OLFM1: variants seen among roughly 807,000 people sequenced by gnomAD.
OLFM1 encodes olfactomedin 1.
Under a neutral mutation model 49.7 loss-of-function variants are expected in OLFM1, and 9 were observed. The observed-to-expected ratio is 0.18, with a 90% CI of 0.11 to 0.32. The LOEUF is 0.32. OLFM1 is among the 10% of genes least tolerant of loss of function. OLFM1 has a pLI of 1.00. For missense variants in OLFM1, 369 were observed against 661.8 expected, an observed-to-expected ratio of 0.56 and a Z score of 4.85; for synonymous variants, 240 against 271.8, an observed-to-expected ratio of 0.88 and a Z score of 1.15.
chr9:135,078,514 C>T (rs7874992), intron 1 of OLFM1, among the ~76,000 whole-genome samples: 1,825 of 152,310 alleles, frequency 0.012, 39 homozygotes, highest in African/African-American at 0.042. Context: ...GGATGGCCTA[C>T]GACACGCAAG....
chr9:135,099,141 A>C (rs1342969581), intron 4 of OLFM1, among the ~76,000 whole-genome samples: 2 of 152,372 alleles, frequency 1.3e-5, no homozygotes, highest in East Asian at 3.9e-4. Context: ...GTTAATTACT[A>C]GGAGAAATAT....
In OLFM1 at chr9:135,098,030, A is replaced by C; in HGVS notation, c.457-256A>C. The C allele has an allele frequency of 7.0e-7, 1 of 1,419,666 alleles. No homozygotes were observed. Among genetic ancestry groups the C allele is most frequent in the Non-Finnish European group, 9.1e-7 (1 of 1,094,760 alleles). The allele number at this position is 1,419,666 out of a possible 1,614,324, so 87.9% of individuals were successfully genotyped here. A position where few individuals can be genotyped will look rare whatever the true frequency, so the allele number is the denominator to read the frequency against. On this transcript the variant is annotated intron_variant, in intron 3 of 5. Transcript: ENST00000371793. The surrounding 1 kb of genome is among the most constrained non-coding windows in gnomAD (Gnocchi z 5.6). ...TTTTTGAAAAAGAAAGAAAAAAAAAACTTCGTGTATGTGACTCAAAGCATG... is the reference window on the plus strand; with the variant it reads ...TTTTTGAAAAAGAAAGAAAAAAAAACCTTCGTGTATGTGACTCAAAGCATG...
chr9:135,091,421 A>G (rs1159796583), intron 2 of OLFM1, among the ~76,000 whole-genome samples: 1 of 152,024 alleles, frequency 6.6e-6, no homozygotes, highest in Non-Finnish European at 1.5e-5. Flanking sequence ...ACACACACGC[A>G]CACTCACAAA....
chr9:135,081,743 AG>A (rs1830535429), intron 1 of OLFM1, among the ~76,000 whole-genome samples: 1 of 152,192 alleles, frequency 6.6e-6, no homozygotes, highest in Non-Finnish European at 1.5e-5. Flanking sequence ...TGAGAGGCCG[AG>A]GCAGGTGGAT....
At chr9:135,102,075 T>C (rs1024692458) in intron 4 of OLFM1, among the ~76,000 whole-genome samples, 2 of 152,202 alleles carry the variant, frequency 1.3e-5, no homozygotes, top group East Asian at 1.9e-4. Context: ...TGGCTCCAGC[T>C]TCAGAGTCCC....
At chr9:135,089,346 C>G (rs909134955) in intron 1 of OLFM1, among the ~76,000 whole-genome samples, 1 of 152,240 alleles carries the variant, frequency 6.6e-6, no homozygotes, top group Non-Finnish European at 1.5e-5. Context: ...CGGAGGGGAG[C>G]GTGCTCAGAG....
upstream of OLFM1, chr9:135,087,429 C>T: frequency 2.6e-6 from 4 of 1,544,204 alleles, no homozygotes; most frequent in South Asian, 2.4e-5. Flanking sequence ...CTGGAGTCCC[C>T]GCGCCGCCGC....
intron 2 of OLFM1, among the ~76,000 whole-genome samples, chr9:135,091,614 CAGTCACACACACTCACAT>C (rs373622216): frequency 3.7e-5 from 5 of 136,228 alleles, no homozygotes; most frequent in African/African-American, 1.1e-4. Flanking sequence ...CATAGTCACA[CAGTCACACACACTCACAT>C]AGTCACACAC....
In OLFM1 at chr9:135,088,647, G is replaced by A. The variant is rs1162667842; in HGVS notation, c.150+508G>A. The stretch of plus-strand genomic sequence containing the variant: ...CCGGGCTGGGAGTGGGGCCCCAGCC[G>A]GTGGGCTCCGGAGCTCCTGCCCGCG... On this transcript the variant is annotated intron_variant, in intron 1 of 5. Coordinates refer to ENST00000371793, the MANE Select transcript of OLFM1 (RefSeq NM_001282611.2). This position sits in a 1 kb window ranked among gnomAD's most constrained non-coding sequence, Gnocchi z 4.8. Among the ~76,000 whole-genome samples the A allele has an allele frequency of 2.0e-5, 3 of 152,012 alleles. No individual in the cohort carries two copies. Among genetic ancestry groups the A allele is most frequent in the Non-Finnish European group, 4.4e-5 (3 of 67,966 alleles).
intron 4 of OLFM1, among the ~76,000 whole-genome samples, chr9:135,101,868 G>T (rs1830875392): frequency 6.6e-6 from 1 of 152,234 alleles, no homozygotes; most frequent in South Asian, 2.1e-4. Flanking sequence ...TATAAATGAG[G>T]GGTGAGGGGG....
intron 2 of OLFM1, among the ~76,000 whole-genome samples, chr9:135,093,799 C>T (rs1251014827): frequency 2.0e-5 from 3 of 152,208 alleles, no homozygotes; most frequent in Non-Finnish European, 4.4e-5. Flanking sequence ...CAGTCCTAGA[C>T]TGACTGTGAG....
At chr9:135,104,933 T>C (rs1830920167) in intron 4 of OLFM1, among the ~76,000 whole-genome samples, 1 of 152,212 alleles carries the variant, frequency 6.6e-6, no homozygotes, top group Non-Finnish European at 1.5e-5. Context: ...CTTGTGAGAC[T>C]TCTCAGACCC....
rs530907408 is a variant in OLFM1, at chr9:135,108,255, T to C, written c.783+1400T>C. 1.9e-4 allele frequency among the ~76,000 whole-genome samples: 29 copies of C among 152,366 alleles called. 1 individual carries two copies. The highest frequency in any genetic ancestry group is 6.7e-4 in the African/African-American group (28 of 41,590). On this transcript the variant is annotated intron_variant, in intron 5 of 5. Coordinates refer to ENST00000371793, the MANE Select transcript of OLFM1 (RefSeq NM_001282611.2). ...CATCCCACCTGGAAAACCCCACTTA[T>C]GTTCAGAGTTAGGAACTTGCTCCTG...
At chr9:135,086,721 G>C, upstream of OLFM1, 2 of 455,868 alleles carry the variant, frequency 4.4e-6, no homozygotes, top group Non-Finnish European at 8.8e-6. Context: ...GGACTGACAC[G>C]CGTGAGTCCT....
chr9:135,104,312 T>C (rs1008887998), intron 4 of OLFM1, among the ~76,000 whole-genome samples: 1 of 152,194 alleles, frequency 6.6e-6, no homozygotes, highest in Non-Finnish European at 1.5e-5. Context: ...AGGGCGGGGC[T>C]CTGGCCAGGC....
upstream of OLFM1, among the ~76,000 whole-genome samples, chr9:135,085,142 C>T (rs1381471255): frequency 2.0e-5 from 3 of 152,130 alleles, no homozygotes; most frequent in African/African-American, 4.8e-5. Context: ...AGGATAGAGA[C>T]GTGGCTGTTC....
chr9:135,120,106 T>C lies in OLFM1; in HGVS notation c.1386T>C (p.Tyr462=). 1 of 1,614,044 alleles carries C rather than the reference T, an allele frequency of 6.2e-7. No homozygotes were observed. The highest frequency in any genetic ancestry group is 8.5e-7 in the Non-Finnish European group (1 of 1,180,028). ...LDYNPKDRAL[Y]AWNNGHQILY... ...ACAACCCCAAGGACCGGGCCCTGTATGCCTGGAACAACGGCCACCAGATCC... is the reference window on the plus strand; with the variant it reads ...ACAACCCCAAGGACCGGGCCCTGTACGCCTGGAACAACGGCCACCAGATCC... The change falls in exon 6 of 6, where the codon TAT becomes TAC. Residue 462 remains tyrosine, a synonymous_variant. Transcript: ENST00000371793.
chr9:135,086,526 A>C (rs1830599207), upstream of OLFM1: 1 of 424,640 alleles, frequency 2.4e-6, no homozygotes, highest in Admixed American at 2.5e-5. Flanking sequence ...AGGAAGGGAG[A>C]TTAATTTTCG....
rs1244994022 is a variant in OLFM1, at chr9:135,120,049, G to C, written c.1329G>C (p.Gln443His). Residue 443 changes from glutamine (Q) to histidine (H), a missense_variant, in exon 6 of 6, where the codon CAG becomes CAC. This residue lies in a region of OLFM1 where 294 missense variants were observed against 567.5 expected (regional missense o/e 0.52). Coordinates refer to ENST00000371793, the MANE Select transcript of OLFM1 (RefSeq NM_001282611.2). ...ATGAATACATCGACATCCCATTCCA[G>C]AACAAATACTCCCACATCTCCATGC... The part of the protein sequence containing the change: ...STYEYIDIPF[Q>H]NKYSHISMLD... 2.5e-6 allele frequency: 4 copies of C among 1,613,918 alleles called. No homozygotes were observed. In the East Asian group the frequency reaches 6.7e-5, roughly 27 times the overall value.
Sources: gnomAD v4.1 joint callset for allele counts (sites outside exome capture counted in the v4.1 genomes callset) on GRCh38, gnomAD v4.1.1 for gene constraint, gnomAD v4.1.1 regional missense constraint, Gnocchi (gnomAD v3.1) non-coding constraint, MANE v1.5 for transcripts, NCBI Gene and HGNC (gene_info 2026-07-23, HGNC 2026-07-21) for gene names.